The following MAML3 variants were observed in gnomAD, a reference collection of about 807,000 sequenced individuals.
MAML3 encodes the protein mastermind like transcriptional coactivator 3.
Under a neutral mutation model 101.9 loss-of-function variants are expected in MAML3, and 27 were observed. The observed-to-expected ratio is 0.27, with a 90% CI of 0.20 to 0.37. MAML3 has a LOEUF of 0.37. MAML3 is among the 10% of genes least tolerant of loss of function. The probability of loss-of-function intolerance (pLI) is 1.00; values close to 1 mark genes in which losing one functional copy is unlikely to be tolerated. For synonymous variants in MAML3, 501 were observed against 555.9 expected, an observed-to-expected ratio of 0.90 and a Z score of 1.39; for missense variants, 1,316 against 1,444.9, an observed-to-expected ratio of 0.91 and a Z score of 1.45.
At chr4:139,914,007 T>G (rs1237418959) in intron 1 of MAML3, among the ~76,000 whole-genome samples, 1 of 152,204 alleles carries the variant, frequency 6.6e-6, no homozygotes, top group African/African-American at 2.4e-5. Context: ...ATTAAAATTT[T>G]TTTTTTACAA....
chr4:139,992,677 C>T (rs1165950927), intron 1 of MAML3, among the ~76,000 whole-genome samples: 1 of 152,164 alleles, frequency 6.6e-6, no homozygotes, highest in Non-Finnish European at 1.5e-5. Context: ...TCTGCCTCAG[C>T]CTCCTGAGTA....
At chr4:139,943,744 A>G (rs1247711695) in intron 1 of MAML3, among the ~76,000 whole-genome samples, 1 of 152,142 alleles carries the variant, frequency 6.6e-6, no homozygotes, top group Admixed American at 6.5e-5. Context: ...ATCCTCTTGC[A>G]GTAGCAGATT....
intron 1 of MAML3, among the ~76,000 whole-genome samples, chr4:140,106,896 GT>G (rs765450405): frequency 6.0e-4 from 91 of 152,164 alleles, no homozygotes; most frequent in Non-Finnish European, 1.2e-3. Flanking sequence ...TTGAGATGGA[GT>G]TTCGCTCTTG....
chr4:140,114,639 A>G (rs997609368), intron 1 of MAML3, among the ~76,000 whole-genome samples: 9 of 152,140 alleles, frequency 5.9e-5, no homozygotes, highest in Non-Finnish European at 1.0e-4. Context: ...GAAACTTTGG[A>G]TTGTTCAAAA....
At chr4:139,876,781 G>C (rs936083226) in intron 2 of MAML3, among the ~76,000 whole-genome samples, 1 of 152,216 alleles carries the variant, frequency 6.6e-6, no homozygotes, top group African/African-American at 2.4e-5. Context: ...TCACACCTGG[G>C]GTGCCTGCAG....
chr4:139,827,041 A>T (rs560500796), intron 2 of MAML3, among the ~76,000 whole-genome samples: 1 of 152,180 alleles, frequency 6.6e-6, no homozygotes, highest in East Asian at 1.9e-4. Context: ...GGATCTGGCT[A>T]AAGCAGGGCT....
intron 1 of MAML3, among the ~76,000 whole-genome samples, chr4:140,033,363 C>T (rs1290598051): frequency 6.6e-5 from 10 of 151,920 alleles, no homozygotes; most frequent in East Asian, 1.9e-4. Context: ...ACCTGAGTGG[C>T]GAGGAAAGGC....
intron 4 of MAML3, among the ~76,000 whole-genome samples, chr4:139,723,571 C>A (rs1438187651): frequency 6.6e-6 from 1 of 152,154 alleles, no homozygotes; most frequent in Non-Finnish European, 1.5e-5. Context: ...CTCGGCCTCC[C>A]AACGTGCTGG....
At chr4:139,895,218 A>G (rs968240504) in intron 1 of MAML3, among the ~76,000 whole-genome samples, 2 of 152,240 alleles carry the variant, frequency 1.3e-5, no homozygotes, top group Admixed American at 1.3e-4. Context: ...GGAGTTAGAA[A>G]GCTTGAGTTC....
chr4:139,934,087 ATG>A (rs1733458332), intron 1 of MAML3, among the ~76,000 whole-genome samples: 1 of 151,966 alleles, frequency 6.6e-6, no homozygotes, highest in Non-Finnish European at 1.5e-5. Flanking sequence ...GAATATATGA[ATG>A]TGTGAATGAG....
intron 1 of MAML3, among the ~76,000 whole-genome samples, chr4:139,938,074 G>T (rs558684183): frequency 6.6e-6 from 1 of 152,174 alleles, no homozygotes; most frequent in Non-Finnish European, 1.5e-5. Context: ...ATGCCAGTGT[G>T]TATATATTTA....
chr4:140,122,996 C>T (rs1728632546), intron 1 of MAML3, among the ~76,000 whole-genome samples: 1 of 151,986 alleles, frequency 6.6e-6, no homozygotes, highest in Admixed American at 6.6e-5. Flanking sequence ...TCCAATCTCT[C>T]CTATTCTCTA....
chr4:139,951,646 C>A (rs553754837), intron 1 of MAML3, among the ~76,000 whole-genome samples: 1 of 152,288 alleles, frequency 6.6e-6, no homozygotes, highest in African/African-American at 2.4e-5. Flanking sequence ...AGGAAAGGGT[C>A]AGCTGTGGCT....
intron 1 of MAML3, among the ~76,000 whole-genome samples, chr4:140,101,668 C>A (rs752103066): frequency 2.6e-5 from 4 of 152,032 alleles, no homozygotes; most frequent in Non-Finnish European, 5.9e-5. Flanking sequence ...ATACGTGATA[C>A]CTCTTAGATC....
chr4:139,919,792 TGGTAAAGTC>T (rs1446563681), intron 1 of MAML3, among the ~76,000 whole-genome samples: 1 of 152,232 alleles, frequency 6.6e-6, no homozygotes, highest in African/African-American at 2.4e-5. Context: ...GGATTAAGCT[TGGTAAAGTC>T]ATGTAAACGA....
At chr4:139,749,531 T>C (rs1009533270) in intron 2 of MAML3, among the ~76,000 whole-genome samples, 7 of 152,220 alleles carry the variant, frequency 4.6e-5, no homozygotes, top group Non-Finnish European at 8.8e-5. Context: ...CTTTGGCTTA[T>C]GAGCTCTGGT....
intron 1 of MAML3, among the ~76,000 whole-genome samples, chr4:140,120,199 C>T (rs56066685): frequency 0.23 from 33,521 of 147,052 alleles, 4,092 homozygotes; most frequent in East Asian, 0.3. Context: ...ATCGCGCCAC[C>T]GCACTCCAGC....
intron 2 of MAML3, among the ~76,000 whole-genome samples, chr4:139,827,606 T>C (rs1731085004): frequency 6.6e-6 from 1 of 152,216 alleles, no homozygotes. Context: ...ATCCAATATC[T>C]TTGTTAATTA....
intron 2 of MAML3, among the ~76,000 whole-genome samples, chr4:139,817,404 C>T (rs1175394700): frequency 2.6e-5 from 4 of 152,258 alleles, no homozygotes; most frequent in Non-Finnish European, 1.5e-5. Flanking sequence ...CCATATGATC[C>T]AAATGAAACC....
Sources: allele counts gnomAD v4.1 joint callset (sites outside exome capture counted in the v4.1 genomes callset), GRCh38; gene constraint gnomAD v4.1.1; transcripts MANE v1.5; gene names NCBI Gene and HGNC (gene_info 2026-07-23, HGNC 2026-07-21).